The following CASR variants were observed in gnomAD, a reference collection of about 807,000 sequenced individuals.
CASR encodes the protein extracellular calcium-sensing receptor.
In CASR, 23 loss-of-function variants were observed where a neutral mutation model predicts 69.1. The ratio of observed to expected loss-of-function variants is 0.33; its 90% CI spans 0.24 to 0.47. The LOEUF is 0.47. Among genes scored for constraint, CASR ranks in the 20% least tolerant of loss-of-function variants. The pLI is 1.00. For missense variants in CASR, 924 were observed against 1,356.1 expected (o/e 0.68, Z 5.00); for synonymous variants, 541 against 544.7 (o/e 0.99, Z 0.10).
chr3:122,220,139 T>A (rs1380557514), intron 1 of CASR, among the ~76,000 whole-genome samples: 1 of 152,158 alleles, frequency 6.6e-6, no homozygotes, highest in Non-Finnish European at 1.5e-5. Context: ...CTCCATTTTT[T>A]AAAAAGAGAG....
rs199513106 is a variant in CASR, at chr3:122,283,796, C to G, written c.1842C>G (p.Ile614Met). 8.7e-6 allele frequency: 14 copies of G among 1,614,034 alleles called. No individual in the cohort carries two copies. Among genetic ancestry groups the G allele is most frequent in the Non-Finnish European group, 1.2e-5 (14 of 1,180,032 alleles). The change falls in exon 7 of 7, where the codon ATC becomes ATG. Residue 614 changes from isoleucine (I) to methionine (M), a missense_variant. Around this residue, in one of 8 missense-constraint regions of CASR, gnomAD observed 184 missense variants for 278.8 expected, o/e 0.66. Transcript: ENST00000639785. ...EFLSWTEPFGIALTLFAVLGI... is the reference protein window; with the variant it reads ...EFLSWTEPFGMALTLFAVLGI... ...TGTCGTGGACGGAGCCCTTTGGGAT[C>G]GCACTCACCCTCTTTGCCGTGCTGG... is the stretch of plus-strand genomic sequence containing the variant.
At chr3:122,216,907 A>G (rs2074122317) in intron 1 of CASR, among the ~76,000 whole-genome samples, 1 of 152,198 alleles carries the variant, frequency 6.6e-6, no homozygotes, top group African/African-American at 2.4e-5. Context: ...TTTGATTTGT[A>G]TCCATTCATT....
Position 122,284,858 on chromosome 3 carries a change from T to C in CASR, c.2904T>C (p.Phe968=), listed in dbSNP as rs769965955. The part of the protein sequence containing the change: ...QQPRCKQKVI[F]GSGTVTFSLS... Reference sequence around the variant, plus strand: ...CCAGATGCAAGCAGAAGGTCATCTTTGGCAGCGGCACGGTCACCTTCTCAC... The same window carrying C: ...CCAGATGCAAGCAGAAGGTCATCTTCGGCAGCGGCACGGTCACCTTCTCAC... Residue 968 remains phenylalanine (F), a synonymous_variant, in exon 7 of 7, where the codon TTT becomes TTC. Coordinates refer to ENST00000639785, the MANE Select transcript of CASR (RefSeq NM_000388.4). The C allele has an allele frequency of 1.2e-6, 2 of 1,614,170 alleles. No individual in the cohort carries two copies. The highest frequency in any genetic ancestry group is 1.7e-6 in the Non-Finnish European group (2 of 1,180,020).
At chr3:122,209,165 A>G (rs990259951) in intron 1 of CASR, among the ~76,000 whole-genome samples, 1 of 152,150 alleles carries the variant, frequency 6.6e-6, no homozygotes, top group Non-Finnish European at 1.5e-5. Context: ...AGAAGTTTCC[A>G]GTTGATGCTG....
Position 122,202,480 on chromosome 3 carries a change from G to GGGGAGAGGGAGAGGGAGACCGTGGGGAGA in CASR, c.-243+18686_-243+18687insCCGTGGGGAGAGGGAGAGGGAGAGGGAGA, listed in dbSNP as rs1559936428. 9.7e-4 allele frequency among the ~76,000 whole-genome samples: 146 copies of GGGGAGAGGGAGAGGGAGACCGTGGGGAGA among 150,114 alleles called. 2 individuals carry two copies. The South Asian group carries it at 0.028, about 29-fold the overall frequency. On this transcript the variant is annotated intron_variant, in intron 1 of 6. Coordinates refer to ENST00000639785, the MANE Select transcript of CASR (RefSeq NM_000388.4). ...ATGGGGAGAGGGAGAGGGAGACCGT[G>GGGGAGAGGGAGAGGGAGACCGTGGGGAGA]GGGAGAGGGAGAGGGAGAGGGAGAG...
intron 2 of CASR, among the ~76,000 whole-genome samples, chr3:122,256,506 T>C (rs76947531): frequency 0.081 from 12,187 of 150,984 alleles, 633 homozygotes; most frequent in Middle Eastern, 0.14. Flanking sequence ...TTATTGTCAT[T>C]ATTGCTCTCT....
At chr3:122,241,869 T>C (rs1423741153) in intron 1 of CASR, among the ~76,000 whole-genome samples, 1 of 152,072 alleles carries the variant, frequency 6.6e-6, no homozygotes, top group East Asian at 1.9e-4. Context: ...GCAAGGATAG[T>C]TCAACATACA....
At chr3:122,214,696 G>A (rs568942350) in intron 1 of CASR, among the ~76,000 whole-genome samples, 1 of 152,250 alleles carries the variant, frequency 6.6e-6, no homozygotes, top group African/African-American at 2.4e-5. Flanking sequence ...GACTCTAATG[G>A]CTAGAATTTA....
In CASR at chr3:122,283,992, C is replaced by T. The variant is rs767363250; in HGVS notation, c.2038C>T (p.Arg680Cys). The change falls in exon 7 of 7, where the codon CGC becomes TGC. Residue 680 changes from arginine (R) to cysteine (C), a missense_variant. Physicochemically the swap from Arg to Cys is radical, Grantham distance 180. This residue lies in a region of CASR where 184 missense variants were observed against 278.8 expected (regional missense o/e 0.66). Transcript: ENST00000639785. ...GEPQDWTCRLRQPAFGISFVL... is the reference protein window; with the variant it reads ...GEPQDWTCRLCQPAFGISFVL... ...GCCCCAGGACTGGACGTGCCGCCTG[C>T]GCCAGCCGGCCTTTGGCATCAGCTT... 11 of 1,613,656 alleles carry T rather than the reference C, an allele frequency of 6.8e-6. No homozygotes were observed. The highest frequency in any genetic ancestry group is 1.3e-5 in the African/African-American group (1 of 74,910).
At chr3:122,214,243 TA>T (rs1429188597) in intron 1 of CASR, among the ~76,000 whole-genome samples, 1 of 151,864 alleles carries the variant, frequency 6.6e-6, no homozygotes, top group Non-Finnish European at 1.5e-5. Context: ...TTAAAGACTT[TA>T]ATTTATGCTG....
At chr3:122,252,450 A>AGAAAGAAAGAAAGAAAGAAAGAAAG (rs1559954426) in intron 1 of CASR, among the ~76,000 whole-genome samples, 1 of 100,534 alleles carries the variant, frequency 9.9e-6, no homozygotes, top group Non-Finnish European at 2.1e-5. Context: ...AGAAAGAAAA[A>AGAAAGAAAGAAAGAAAGAAAGAAAG]AAAGAAAAGA....
chr3:122,277,997 T>C (rs1215413603), intron 5 of CASR, among the ~76,000 whole-genome samples: 1 of 152,216 alleles, frequency 6.6e-6, no homozygotes, highest in African/African-American at 2.4e-5. Flanking sequence ...ACACAATGGA[T>C]ACTCAACAAA....
At chr3:122,185,277 G>A (rs892043126) in intron 1 of CASR, among the ~76,000 whole-genome samples, 1 of 152,002 alleles carries the variant, frequency 6.6e-6, no homozygotes, top group South Asian at 2.1e-4. Context: ...CCCACTCTAC[G>A]TGTTCTGTCG....
At chr3:122,232,048 A>G (rs2074283829) in intron 1 of CASR, among the ~76,000 whole-genome samples, 1 of 152,204 alleles carries the variant, frequency 6.6e-6, no homozygotes, top group African/African-American at 2.4e-5. Flanking sequence ...CCCTCCAGCT[A>G]CTTGCAACAC....
At chr3:122,188,571 A>G (rs1267032354) in intron 1 of CASR, among the ~76,000 whole-genome samples, 2 of 152,224 alleles carry the variant, frequency 1.3e-5, no homozygotes, top group Non-Finnish European at 2.9e-5. Flanking sequence ...AAATAGGATC[A>G]GTTAATCCAT....
Position 122,285,110 on chromosome 3 carries a change from A to C in CASR, c.3156A>C (p.Pro1052=), listed in dbSNP as rs199497544. 1 of 1,614,116 alleles carries C rather than the reference A, an allele frequency of 6.2e-7. No individual in the cohort carries two copies. The highest frequency in any genetic ancestry group is 1.3e-5 in the African/African-American group (1 of 74,936). ...PEVEDPEELS[P]ALVVSSSQSF... The stretch of plus-strand genomic sequence containing the variant: ...TGGAGGACCCTGAAGAGTTGTCCCC[A>C]GCACTTGTAGTGTCCAGTTCACAGA... The change falls in exon 7 of 7, where the codon CCA becomes CCC. Residue 1052 remains proline, a synonymous_variant. Transcript: ENST00000639785.
intron 1 of CASR, among the ~76,000 whole-genome samples, chr3:122,189,118 T>C (rs902038699): frequency 3.9e-5 from 6 of 152,336 alleles, no homozygotes; most frequent in African/African-American, 1.4e-4. Flanking sequence ...ATGAGTGAGA[T>C]GGTCAAATAT....
intron 4 of CASR, among the ~76,000 whole-genome samples, chr3:122,273,635 T>C (rs971379943): frequency 5.9e-5 from 9 of 152,282 alleles, no homozygotes; most frequent in African/African-American, 2.2e-4. Context: ...GGAAGCTACC[T>C]GAATAAGTTT....
intron 1 of CASR, among the ~76,000 whole-genome samples, chr3:122,249,981 A>G (rs1471874208): frequency 6.6e-6 from 1 of 152,230 alleles, no homozygotes; most frequent in Non-Finnish European, 1.5e-5. Flanking sequence ...TCCTTGTTCA[A>G]GATGGTCTCT....
Sources: gnomAD v4.1 joint callset for allele counts (sites outside exome capture counted in the v4.1 genomes callset) on GRCh38, gnomAD v4.1.1 for gene constraint, gnomAD v4.1.1 regional missense constraint, MANE v1.5 for transcripts, NCBI Gene and HGNC (gene_info 2026-07-23, HGNC 2026-07-21) for gene names.